The following ARHGAP10 variants were observed in gnomAD, a reference collection of about 807,000 sequenced individuals.
ARHGAP10 encodes rho GTPase-activating protein 10.
A neutral mutation model predicts 108.6 loss-of-function variants in ARHGAP10; 87 were observed. The ratio of observed to expected loss-of-function variants is 0.80; its 90% confidence interval spans 0.67 to 0.96. ARHGAP10 has a LOEUF of 0.96. Among genes scored for constraint, ARHGAP10 ranks in the 40% least tolerant of loss-of-function variants. ARHGAP10 has a pLI of 0.00. For missense variants in ARHGAP10, 939 were observed against 954.5 expected (o/e 0.98, Z 0.21); for synonymous variants, 347 against 341.1 (o/e 1.02, Z -0.19).
At chr4:147,754,847 A>C (rs1729303939) in intron 1 of ARHGAP10, among the ~76,000 whole-genome samples, 1 of 152,348 alleles carries the variant, frequency 6.6e-6, no homozygotes. Context: ...TAATCCCAGC[A>C]CTTTGGGAGG....
chr4:147,772,299 C>A (rs149293931), intron 1 of ARHGAP10, among the ~76,000 whole-genome samples: 2 of 152,174 alleles, frequency 1.3e-5, no homozygotes, highest in African/African-American at 4.8e-5. Flanking sequence ...TTCCACCTGG[C>A]GGTAGTGTGT....
chr4:147,867,699 A>G (rs546754573), intron 7 of ARHGAP10, among the ~76,000 whole-genome samples: 12 of 152,146 alleles, frequency 7.9e-5, no homozygotes, highest in African/African-American at 2.4e-4. Flanking sequence ...CCCTGTCTCC[A>G]CTAAAAATAC....
intron 4 of ARHGAP10, among the ~76,000 whole-genome samples, chr4:147,851,719 A>T (rs1029635024): frequency 6.6e-6 from 1 of 152,250 alleles, no homozygotes; most frequent in African/African-American, 2.4e-5. Context: ...AGAGGCCCTG[A>T]GATACAACTA....
chr4:147,882,516 G>C (rs1219465886), intron 10 of ARHGAP10, among the ~76,000 whole-genome samples: 1 of 151,434 alleles, frequency 6.6e-6, no homozygotes, highest in Non-Finnish European at 1.5e-5. Context: ...AGCCTAATTT[G>C]TAGCATGAAG....
intron 3 of ARHGAP10, among the ~76,000 whole-genome samples, chr4:147,823,287 A>G (rs1006295460): frequency 1.3e-5 from 2 of 152,164 alleles, no homozygotes; most frequent in Non-Finnish European, 2.9e-5. Flanking sequence ...AGCTTAATAT[A>G]TCAGCGGGAT....
chr4:147,966,512 C>T (rs1297825033), intron 17 of ARHGAP10, among the ~76,000 whole-genome samples, 168 bp from the exon 18 acceptor site: 1 of 152,134 alleles, frequency 6.6e-6, no homozygotes, highest in African/African-American at 2.4e-5. Context: ...TAGGCAGGAG[C>T]ATCTGCATGG....
chr4:147,981,483 G>A (rs1739803755), intron 18 of ARHGAP10, among the ~76,000 whole-genome samples: 2 of 152,182 alleles, frequency 1.3e-5, no homozygotes, highest in African/African-American at 4.8e-5. Context: ...TTCAGCATGT[G>A]TTCAGTCTTT....
At chr4:147,844,306 A>T (rs998728333) in intron 3 of ARHGAP10, among the ~76,000 whole-genome samples, 1 of 152,212 alleles carries the variant, frequency 6.6e-6, no homozygotes, top group Non-Finnish European at 1.5e-5. Flanking sequence ...TAGGGTATCC[A>T]TCCGTTCAAG....
chr4:147,872,466 T>C (rs1330835218), intron 7 of ARHGAP10, among the ~76,000 whole-genome samples: 2 of 152,208 alleles, frequency 1.3e-5, no homozygotes, highest in Non-Finnish European at 2.9e-5. Flanking sequence ...AGTGATTGTG[T>C]GTTTATATAA....
At chr4:147,975,339 G>C (rs1739553240) in intron 18 of ARHGAP10, among the ~76,000 whole-genome samples, 1 of 152,146 alleles carries the variant, frequency 6.6e-6, no homozygotes, top group African/African-American at 2.4e-5. Context: ...AAGTCCCCGA[G>C]TAGTGTGTGT....
intron 10 of ARHGAP10, among the ~76,000 whole-genome samples, chr4:147,906,406 C>G (rs929149308): frequency 4.6e-5 from 7 of 152,018 alleles, no homozygotes; most frequent in Admixed American, 3.3e-4. Context: ...TTCAGTTTTG[C>G]AAGATGAAAA....
chr4:147,819,053 T>C (rs1050714355), intron 1 of ARHGAP10, among the ~76,000 whole-genome samples: 1 of 152,206 alleles, frequency 6.6e-6, no homozygotes, highest in Non-Finnish European at 1.5e-5. Context: ...TAGGGAGAAA[T>C]ACATCAGATT....
At chr4:147,942,826 C>T (rs186919475) in intron 14 of ARHGAP10, among the ~76,000 whole-genome samples, 203 of 152,352 alleles carry the variant, frequency 1.3e-3, no homozygotes, top group African/African-American at 4.2e-3. Flanking sequence ...GGCAGCTATC[C>T]GCTGGATTTC....
In ARHGAP10 at chr4:148,023,398, C is replaced by T. The variant is rs1444421823; in HGVS notation, c.1852C>T (p.Leu618=). 3 of 1,613,508 alleles carry T rather than the reference C, an allele frequency of 1.9e-6. No individual in the cohort carries two copies. The highest frequency in any genetic ancestry group is 2.2e-5 in the South Asian group (2 of 90,934). The change falls in exon 19 of 23, where the codon CTG becomes TTG. Residue 618 remains leucine (L), a synonymous_variant. Coordinates refer to ENST00000336498, the MANE Select transcript of ARHGAP10 (RefSeq NM_024605.4). ...GCCCGTGGCCGTCTACAATCTTTGT[C>T]TGGAGCTGGAAGATGGTAAGATGTT... ...KRPVAVYNLC[L]ELEDGDNPYP... is the part of the protein sequence containing the mutation.
intron 20 of ARHGAP10, among the ~76,000 whole-genome samples, chr4:148,049,820 G>GTTTGT (rs1242624748): frequency 8.1e-6 from 1 of 123,368 alleles, no homozygotes; most frequent in Non-Finnish European, 1.6e-5. Context: ...TTGTTTGTTT[G>GTTTGT]TTTTTTTTGG....
chr4:147,831,185 A>G (rs1732942320), intron 3 of ARHGAP10, among the ~76,000 whole-genome samples: 1 of 152,246 alleles, frequency 6.6e-6, no homozygotes, highest in Non-Finnish European at 1.5e-5. Context: ...CCTTAGGGTT[A>G]GATCTGTCTG....
Position 147,793,443 on chromosome 4 carries a change from T to A in ARHGAP10, c.155-29284T>A, listed in dbSNP as rs1731200402. Among the ~76,000 whole-genome samples the A allele has an allele frequency of 1.3e-5, 2 of 151,372 alleles. 1 individual carries two copies. Among genetic ancestry groups the A allele is most frequent in the South Asian group, 4.2e-4 (2 of 4,804 alleles). On this transcript the variant is annotated intron_variant, in intron 1 of 22. Coordinates refer to ENST00000336498, the MANE Select transcript of ARHGAP10 (RefSeq NM_024605.4). ...CTTAGGAGTTGAACTTGCATCAGAG[T>A]GAGAAACAAAATGCCTGGAGCCTTA...
intron 10 of ARHGAP10, among the ~76,000 whole-genome samples, 185 bp from the exon 11 acceptor site, chr4:147,906,453 C>T (rs1490826525): frequency 6.6e-6 from 1 of 152,024 alleles, no homozygotes; most frequent in African/African-American, 2.4e-5. Context: ...GGTTATGTAA[C>T]ATTGTGAACA....
intron 3 of ARHGAP10, among the ~76,000 whole-genome samples, chr4:147,830,480 A>C (rs1049843197): frequency 2.2e-5 from 3 of 136,762 alleles, no homozygotes; most frequent in Admixed American, 7.1e-5. Context: ...GGTTTTTGCC[A>C]CTTTTTTTTT....
Sources: allele counts gnomAD v4.1 joint callset (sites outside exome capture counted in the v4.1 genomes callset), GRCh38; gene constraint gnomAD v4.1.1; transcripts MANE v1.5; gene names NCBI Gene and HGNC (gene_info 2026-07-23, HGNC 2026-07-21).